Variants in XPR1 observed in about 807,000 individuals in gnomAD.
The protein encoded by XPR1 is xenotropic and polytropic retrovirus receptor 1.
In XPR1, 28 loss-of-function variants were observed where a neutral mutation model predicts 87.5. The ratio of observed to expected loss-of-function variants is 0.32; its 90% CI spans 0.24 to 0.44. XPR1 has a LOEUF of 0.44. Among genes scored for constraint, XPR1 ranks in the 20% least tolerant of loss-of-function variants. The probability of loss-of-function intolerance (pLI) is 1.00; values close to 1 mark genes in which losing one functional copy is unlikely to be tolerated. For synonymous variants in XPR1, 300 were observed against 306.1 expected, an observed-to-expected ratio of 0.98 and a Z score of 0.21; for missense variants, 559 against 862.3, an observed-to-expected ratio of 0.65 and a Z score of 4.41.
At chr1:180,722,383 C>T (rs1471295728) in intron 2 of XPR1, among the ~76,000 whole-genome samples, 3 of 152,096 alleles carry the variant, frequency 2.0e-5, no homozygotes, top group Admixed American at 6.5e-5. Context: ...CATGAGCCAC[C>T]GCGCCCGGCC....
At chr1:180,714,480 C>CTGTA (rs1163947798) in intron 2 of XPR1, among the ~76,000 whole-genome samples, 1 of 151,592 alleles carries the variant, frequency 6.6e-6, no homozygotes, top group Non-Finnish European at 1.5e-5. Context: ...TCATAGCACG[C>CTGTA]TGTAACCTCA....
intron 1 of XPR1, among the ~76,000 whole-genome samples, chr1:180,633,678 A>T (rs1394846876): frequency 6.6e-6 from 1 of 152,210 alleles, no homozygotes; most frequent in Non-Finnish European, 1.5e-5. Context: ...TTTTGTGGCC[A>T]TGTTTTGTAA....
rs185461900 is a variant in XPR1 at position 180,641,177 on chromosome 1, A to G, written c.69+8907A>G. ...TTTGTGCTTCAGTTTCCTCATCTGT[A>G]AAACAGGGATAATAATAGTACTTAC... On this transcript the variant is annotated intron_variant, in intron 1 of 14. Transcript: ENST00000367590. 2.3e-3 allele frequency among the ~76,000 whole-genome samples: 344 copies of G among 152,314 alleles called. 2 individuals are homozygous for G. The highest frequency in any genetic ancestry group is 0.016 in the South Asian group (79 of 4,832).
chr1:180,742,090 T>A (rs533219300), intron 2 of XPR1, among the ~76,000 whole-genome samples: 163 of 152,236 alleles, frequency 1.1e-3, no homozygotes, highest in African/African-American at 3.8e-3. Flanking sequence ...ATTATATTAC[T>A]CTTTCTAAAG....
intron 11 of XPR1, among the ~76,000 whole-genome samples, chr1:180,843,014 C>G (rs1460123200): frequency 6.6e-6 from 1 of 152,156 alleles, no homozygotes; most frequent in Admixed American, 6.5e-5. Context: ...CTTTCTAGAT[C>G]CCTTCTTGTT....
chr1:180,825,961 A>G (rs757616876), intron 9 of XPR1, among the ~76,000 whole-genome samples: 1 of 152,060 alleles, frequency 6.6e-6, no homozygotes, highest in Non-Finnish European at 1.5e-5. Context: ...GAGGCAGGAG[A>G]ATCGCTAGAA....
intron 1 of XPR1, among the ~76,000 whole-genome samples, chr1:180,663,286 T>C (rs1655838711): frequency 6.6e-6 from 1 of 152,228 alleles, no homozygotes. Context: ...TTTCCAGGTA[T>C]TCAAAGAGAC....
chr1:180,824,663 G>A, intron 7 of XPR1, 90 bp from the exon 8 acceptor site: 1 of 1,122,432 alleles, frequency 8.9e-7, no homozygotes, highest in East Asian at 2.4e-5. Context: ...TCTATGCCAG[G>A]GCTATATCAT....
chr1:180,766,212 C>T (rs1648280311), intron 2 of XPR1, among the ~76,000 whole-genome samples: 1 of 152,044 alleles, frequency 6.6e-6, no homozygotes, highest in Non-Finnish European at 1.5e-5. Flanking sequence ...ACCAATGAGG[C>T]AATAATGTGC....
chr1:180,810,691 C>T (rs1387296311), intron 6 of XPR1, among the ~76,000 whole-genome samples: 3 of 151,838 alleles, frequency 2.0e-5, no homozygotes, highest in East Asian at 3.9e-4. Context: ...TGTGCAAACT[C>T]TGAGTAATAC....
At chr1:180,781,538 A>G (rs1391910977) in intron 2 of XPR1, among the ~76,000 whole-genome samples, 2 of 151,878 alleles carry the variant, frequency 1.3e-5, no homozygotes, top group Non-Finnish European at 2.9e-5. Context: ...ATGTTGCTGT[A>G]AAAAGCACTT....
intron 1 of XPR1, among the ~76,000 whole-genome samples, chr1:180,652,064 C>T (rs780131750): frequency 5.3e-5 from 8 of 151,922 alleles, no homozygotes; most frequent in East Asian, 1.9e-4. Flanking sequence ...GGCCAAGGCG[C>T]GCGGATCACA....
At position 180,642,901 on chromosome 1, in the gene XPR1, A is replaced by G. The variant is rs1225175976; in HGVS notation, c.69+10631A>G. Among the ~76,000 whole-genome samples the G allele has an allele frequency of 2.6e-5, 4 of 152,128 alleles. No individual in the cohort carries two copies. The East Asian group carries it at 7.7e-4, about 29-fold the overall frequency. ...ATGTTAACACATAGTGAAGAGGGGA[A>G]AGGGCACCTGGGGAAATCTAGGAGT... On this transcript the variant is annotated intron_variant, in intron 1 of 14. Coordinates refer to ENST00000367590, the MANE Select transcript of XPR1 (RefSeq NM_004736.4).
intron 2 of XPR1, among the ~76,000 whole-genome samples, chr1:180,733,175 G>A (rs12080816): frequency 0.043 from 6,539 of 152,216 alleles, 505 homozygotes; most frequent in African/African-American, 0.15. Flanking sequence ...GGATAGGGGC[G>A]TGGCAGGCCA....
At chr1:180,698,149 A>C (rs892360839) in intron 2 of XPR1, among the ~76,000 whole-genome samples, 1 of 152,106 alleles carries the variant, frequency 6.6e-6, no homozygotes, top group East Asian at 1.9e-4. Context: ...GAATTGTTAC[A>C]TCTTCTTGCT....
chr1:180,657,467 A>T (rs551034908), intron 1 of XPR1, among the ~76,000 whole-genome samples: 6 of 152,062 alleles, frequency 3.9e-5, no homozygotes, highest in African/African-American at 1.2e-4. Flanking sequence ...TGATTTTTGT[A>T]TATGGTGAGA....
At chr1:180,704,998 TA>T (rs1399980016) in intron 2 of XPR1, among the ~76,000 whole-genome samples, 1 of 151,572 alleles carries the variant, frequency 6.6e-6, no homozygotes, top group Non-Finnish European at 1.5e-5. Context: ...AATGTATATA[TA>T]TATTTTAGGA....
intron 7 of XPR1, among the ~76,000 whole-genome samples, chr1:180,821,791 C>T (rs1650633126): frequency 6.6e-6 from 1 of 152,118 alleles, no homozygotes; most frequent in Admixed American, 6.5e-5. Context: ...CTTTTGAATG[C>T]TATTGTAGTT....
At chr1:180,676,027 C>G (rs997208487) in intron 1 of XPR1, among the ~76,000 whole-genome samples, 1 of 152,062 alleles carries the variant, frequency 6.6e-6, no homozygotes, top group Non-Finnish European at 1.5e-5. Context: ...TTGACTTAAA[C>G]GAAAATTTGA....
Sources: allele counts gnomAD v4.1 joint callset (sites outside exome capture counted in the v4.1 genomes callset), GRCh38; gene constraint gnomAD v4.1.1; transcripts MANE v1.5; gene names NCBI Gene and HGNC (gene_info 2026-07-23, HGNC 2026-07-21).